The following NLGN1 variants were observed in gnomAD, a reference collection of about 807,000 sequenced individuals.
NLGN1 encodes the protein neuroligin-1.
A neutral mutation model predicts 65.5 loss-of-function variants in NLGN1; 12 were observed. That is an observed-to-expected ratio of 0.18 (90% confidence interval 0.12 to 0.30). The LOEUF is 0.30. NLGN1 is among the 10% of genes least tolerant of loss of function. NLGN1 has a pLI of 1.00. For synonymous variants in NLGN1, 350 were observed against 359.5 expected, an observed-to-expected ratio of 0.97 and a Z score of 0.30; for missense variants, 750 against 1,007.1, an observed-to-expected ratio of 0.74 and a Z score of 3.46.
chr3:174,105,713 C>CTATATCTACATG (rs1561053937), intron 4 of NLGN1, among the ~76,000 whole-genome samples: 1 of 136,996 alleles, frequency 7.3e-6, no homozygotes, highest in Non-Finnish European at 1.6e-5. Flanking sequence ...ATATCTATAT[C>CTATATCTACATG]TAGATATATA....
chr3:174,280,807 A>C lies in NLGN1; in HGVS notation c.1976A>C (p.Lys659Thr). The C allele has an allele frequency of 1.2e-6, 2 of 1,613,392 alleles. No homozygotes were observed. Among genetic ancestry groups the C allele is most frequent in the Non-Finnish European group, 8.5e-7 (1 of 1,179,564 alleles). The change falls in exon 7 of 7, where the codon AAA (lysine) becomes ACA (threonine). Residue 659 changes from lysine to threonine, a missense_variant. Lys to Thr is a moderately conservative substitution (Grantham distance 78, BLOSUM62 -1). Coordinates refer to ENST00000457714, the Ensembl canonical transcript of NLGN1. The surrounding 1 kb of genome is among the most constrained non-coding windows in gnomAD (Gnocchi z 4.9). The stretch of plus-strand genomic sequence containing the variant: ...CCCACTGCCAAGCAGGATGATCCCA[A>C]ACAACAACCAAGTCCATTTTCAGTG...
At position 173,481,906 on chromosome 3, in the gene NLGN1, A is replaced by T. The variant is rs576005299; in HGVS notation, c.-321+46828A>T. 1.3e-3 allele frequency among the ~76,000 whole-genome samples: 197 copies of T among 152,026 alleles called. 1 individual carries two copies. The highest frequency in any genetic ancestry group is 4.4e-3 in the African/African-American group (182 of 41,524). On this transcript the variant is annotated intron_variant, in intron 2 of 6. Transcript: ENST00000457714. ...TTGGTAAGTGACAAAATTATATTTCATTGGTGCTTTAATTTTTATTTCTTT... is the reference window on the plus strand; with the variant it reads ...TTGGTAAGTGACAAAATTATATTTCTTTGGTGCTTTAATTTTTATTTCTTT...
intron 4 of NLGN1, among the ~76,000 whole-genome samples, chr3:174,193,067 A>C (rs1020222247): frequency 1.7e-4 from 26 of 152,122 alleles, no homozygotes; most frequent in African/African-American, 6.0e-4. Flanking sequence ...TCACTAAACT[A>C]CTAAAAGTTT....
chr3:173,935,231 C>T (rs1300649987), intron 4 of NLGN1, among the ~76,000 whole-genome samples: 1 of 151,910 alleles, frequency 6.6e-6, no homozygotes, highest in Non-Finnish European at 1.5e-5. Context: ...ATTTTGCCCA[C>T]GTCAGTTAAT....
chr3:173,954,484 C>A (rs577740754), intron 4 of NLGN1, among the ~76,000 whole-genome samples: 95 of 152,196 alleles, frequency 6.2e-4, no homozygotes, highest in Admixed American at 1.4e-3. Context: ...AGATAAATTT[C>A]ATTTCTAGCT....
chr3:174,273,305 T>A (rs76767451), intron 4 of NLGN1, among the ~76,000 whole-genome samples: 5 of 143,314 alleles, frequency 3.5e-5, no homozygotes, highest in South Asian at 2.3e-4. Context: ...TCTCTCTCTC[T>A]CACACGCACA....
intron 4 of NLGN1, among the ~76,000 whole-genome samples, chr3:173,913,354 A>C (rs1238877234): frequency 2.0e-5 from 3 of 152,168 alleles, no homozygotes; most frequent in African/African-American, 7.2e-5. Flanking sequence ...ATACCCTGGC[A>C]TGTGGGAATA....
At chr3:173,467,033 A>G (rs1054550303) in intron 2 of NLGN1, among the ~76,000 whole-genome samples, 1 of 152,174 alleles carries the variant, frequency 6.6e-6, no homozygotes, top group Admixed American at 6.6e-5. Flanking sequence ...AAATAAACAC[A>G]TATAAAGGAG....
At chr3:174,208,506 G>C (rs1735837616) in intron 4 of NLGN1, among the ~76,000 whole-genome samples, 1 of 152,138 alleles carries the variant, frequency 6.6e-6, no homozygotes, top group Non-Finnish European at 1.5e-5. Flanking sequence ...GCTAAGTCTA[G>C]GGTCAGATAT....
chr3:173,759,376 C>G (rs1777612286), intron 3 of NLGN1, among the ~76,000 whole-genome samples: 3 of 151,910 alleles, frequency 2.0e-5, no homozygotes, highest in African/African-American at 4.8e-5. Context: ...GAAACATTCA[C>G]CTTTTTCTTA....
chr3:173,541,111 T>C (rs954964348), intron 2 of NLGN1, among the ~76,000 whole-genome samples: 8 of 152,122 alleles, frequency 5.3e-5, no homozygotes, highest in African/African-American at 1.9e-4. Flanking sequence ...AAACAGTATA[T>C]AGGGAATCTA....
intron 3 of NLGN1, among the ~76,000 whole-genome samples, chr3:173,729,872 C>A (rs891414219): frequency 6.6e-6 from 1 of 151,912 alleles, no homozygotes; most frequent in African/African-American, 2.4e-5. Flanking sequence ...CATATTCTGT[C>A]AAATGCTTCA....
At chr3:173,416,807 C>G (rs1286649502) in intron 1 of NLGN1, among the ~76,000 whole-genome samples, 1 of 152,066 alleles carries the variant, frequency 6.6e-6, no homozygotes, top group Non-Finnish European at 1.5e-5. Context: ...AAGATTTCAT[C>G]ACTTTAATAT....
At chr3:173,638,971 G>A (rs555237647) in intron 3 of NLGN1, among the ~76,000 whole-genome samples, 2 of 152,294 alleles carry the variant, frequency 1.3e-5, no homozygotes, top group African/African-American at 4.8e-5. Context: ...GAAACTTCAA[G>A]AGAAGTGATT....
At chr3:174,086,635 A>G (rs1428921552) in intron 4 of NLGN1, among the ~76,000 whole-genome samples, 1 of 151,856 alleles carries the variant, frequency 6.6e-6, no homozygotes. Context: ...AAATTTTAAT[A>G]GCCTTTGTAC....
chr3:174,062,431 A>G (rs1737622708), intron 4 of NLGN1, among the ~76,000 whole-genome samples: 1 of 152,096 alleles, frequency 6.6e-6, no homozygotes, highest in South Asian at 2.1e-4. Context: ...CAATGTATCA[A>G]GTGGAGTTAA....
intron 4 of NLGN1, among the ~76,000 whole-genome samples, chr3:173,960,213 G>C (rs1361676526): frequency 6.6e-6 from 1 of 151,856 alleles, no homozygotes; most frequent in Non-Finnish European, 1.5e-5. Flanking sequence ...TACAATACGG[G>C]CTCTCTTTTT....
At chr3:173,923,046 T>G (rs903665251) in intron 4 of NLGN1, among the ~76,000 whole-genome samples, 13 of 152,064 alleles carry the variant, frequency 8.5e-5, no homozygotes, top group Non-Finnish European at 1.5e-5. Context: ...CATATCACAT[T>G]TCATCAACAT....
chr3:173,517,538 C>T (rs1020969022), intron 2 of NLGN1, among the ~76,000 whole-genome samples: 26 of 151,972 alleles, frequency 1.7e-4, no homozygotes, highest in African/African-American at 4.8e-4. Context: ...CACTATATTT[C>T]ACAATATAAG....
Sources: allele counts gnomAD v4.1 joint callset (sites outside exome capture counted in the v4.1 genomes callset), GRCh38; gene constraint gnomAD v4.1.1; non-coding constraint Gnocchi (gnomAD v3.1); transcripts MANE v1.5; gene names NCBI Gene and HGNC (gene_info 2026-07-23, HGNC 2026-07-21).